The following PABPC4L variants were observed in gnomAD, a reference collection of about 807,000 sequenced individuals.
PABPC4L encodes the protein polyadenylate-binding protein 4-like.
For synonymous variants in PABPC4L, 169 were observed against 164.1 expected (o/e 1.03, Z -0.23); for missense variants, 452 against 451.4 (o/e 1.00, Z -0.01).
chr4:134,123,909 A>C, the PABPC4L span, among the ~76,000 whole-genome samples: 1 of 152,036 alleles, frequency 6.6e-6, no homozygotes, highest in East Asian at 1.9e-4. Flanking sequence ...AGTTGGGTAT[A>C]CTGGTTATTG....
chr4:133,977,448 AAGAATGTCAATGGTAGTTTAATG>A, the PABPC4L span, among the ~76,000 whole-genome samples: 286 of 152,142 alleles, frequency 1.9e-3, no homozygotes, highest in Non-Finnish European at 3.0e-3. Context: ...TAATTCTGTG[AAGAATGTCAATGGTAGTTTAATG>A]GGAATAGCAC....
At chr4:134,082,532 G>A in the PABPC4L span, among the ~76,000 whole-genome samples, 1 of 151,972 alleles carries the variant, frequency 6.6e-6, no homozygotes, top group Non-Finnish European at 1.5e-5. Context: ...CTATTAAAAA[G>A]TTAATTTTTT....
chr4:134,036,700 C>T, the PABPC4L span, among the ~76,000 whole-genome samples: 2 of 152,018 alleles, frequency 1.3e-5, no homozygotes, highest in African/African-American at 4.8e-5. Context: ...TTGTTCTATG[C>T]ATCTTATTTT....
the PABPC4L span, among the ~76,000 whole-genome samples, chr4:134,059,533 T>C: frequency 6.6e-6 from 1 of 151,254 alleles, no homozygotes; most frequent in South Asian, 2.1e-4. Context: ...AAGTTTATGT[T>C]CACCTATATA....
the PABPC4L span, among the ~76,000 whole-genome samples, chr4:133,966,317 G>A: frequency 2.0e-5 from 3 of 152,160 alleles, no homozygotes; most frequent in African/African-American, 7.2e-5. Flanking sequence ...AACAGTAGAT[G>A]TTGGTCTGGA....
chr4:134,199,970 A>C lies in PABPC4L; in HGVS notation c.1050T>G (p.Thr350=). 1.9e-6 allele frequency: 3 copies of C among 1,551,602 alleles called. No homozygotes were observed. The highest frequency in any genetic ancestry group is 2.6e-6 in the Non-Finnish European group (3 of 1,146,916). ...AGCCCAAGATGCGGCCATTCATCTC[A>C]GTCATTGCTTTAGTAGCATCCTCAG... ...SSPEDATKAM[T]EMNGRILGSK... Residue 350 remains threonine (T), a synonymous_variant, in exon 2 of 2, where the codon ACT becomes ACG. Transcript: ENST00000421491.
the PABPC4L span, among the ~76,000 whole-genome samples, chr4:133,950,429 A>G: frequency 1.4e-4 from 22 of 152,274 alleles, no homozygotes; most frequent in Middle Eastern, 6.8e-3. Flanking sequence ...TCTTTGGCAG[A>G]TCACACAAAC....
the PABPC4L span, among the ~76,000 whole-genome samples, chr4:134,110,559 TTGTGTGTGTGTG>T: frequency 0.41 from 59,177 of 144,494 alleles, 13,067 homozygotes; most frequent in East Asian, 0.92. Flanking sequence ...TCTCTCTGTC[TTGTGTGTGTGTG>T]TGTGTGTGTG....
the PABPC4L span, among the ~76,000 whole-genome samples, chr4:133,957,627 C>T: frequency 6.6e-6 from 1 of 152,236 alleles, no homozygotes; most frequent in Non-Finnish European, 1.5e-5. Flanking sequence ...CATTCTCTTT[C>T]TGCACTGCCC....
the PABPC4L span, among the ~76,000 whole-genome samples, chr4:134,168,939 A>G: frequency 6.6e-6 from 1 of 152,086 alleles, no homozygotes; most frequent in Non-Finnish European, 1.5e-5. Flanking sequence ...TCATTTCATC[A>G]TGCAAGACCA....
the PABPC4L span, among the ~76,000 whole-genome samples, chr4:134,090,787 G>A: frequency 6.6e-6 from 1 of 151,724 alleles, no homozygotes; most frequent in African/African-American, 2.4e-5. Context: ...AAAGGTGGGA[G>A]GGGTTGCTGC....
At chr4:133,992,722 T>C in the PABPC4L span, among the ~76,000 whole-genome samples, 3 of 152,120 alleles carry the variant, frequency 2.0e-5, no homozygotes, top group African/African-American at 7.2e-5. Flanking sequence ...AAAGGATCAA[T>C]ACCGTATGCA....
At chr4:134,099,988 TC>T in the PABPC4L span, among the ~76,000 whole-genome samples, 1 of 151,718 alleles carries the variant, frequency 6.6e-6, no homozygotes, top group African/African-American at 2.4e-5. Context: ...ATCCCCCATT[TC>T]TATCTGGAAA....
the PABPC4L span, among the ~76,000 whole-genome samples, chr4:134,054,348 T>C: frequency 6.2e-4 from 93 of 149,112 alleles, no homozygotes; most frequent in African/African-American, 2.2e-3. Context: ...TTTTTTATTT[T>C]AAGTATAAAT....
At chr4:134,035,656 T>C in the PABPC4L span, among the ~76,000 whole-genome samples, 34 of 152,102 alleles carry the variant, frequency 2.2e-4, no homozygotes, top group African/African-American at 3.4e-4. Flanking sequence ...AACAACTTAA[T>C]GTGTTTCTAT....
At chr4:134,150,202 G>A in the PABPC4L span, among the ~76,000 whole-genome samples, 1 of 151,158 alleles carries the variant, frequency 6.6e-6, no homozygotes, top group Non-Finnish European at 1.5e-5. Context: ...CCCTGCCTCA[G>A]CCTCTCAAGT....
chr4:134,123,260 C>T, the PABPC4L span, among the ~76,000 whole-genome samples: 1 of 151,896 alleles, frequency 6.6e-6, no homozygotes, highest in South Asian at 2.1e-4. Context: ...TACCTATTAG[C>T]CTTCTTGTGT....
At chr4:134,176,121 C>T in the PABPC4L span, among the ~76,000 whole-genome samples, 1,059 of 152,184 alleles carry the variant, frequency 7.0e-3, 20 homozygotes, top group African/African-American at 0.024. Context: ...TAACATCTTG[C>T]ATAAACTATT....
chr4:134,035,937 A>G, the PABPC4L span, among the ~76,000 whole-genome samples: 9 of 151,984 alleles, frequency 5.9e-5, no homozygotes, highest in Non-Finnish European at 1.3e-4. Flanking sequence ...AGAGTCCCTT[A>G]TAAAACCATC....
Sources: allele counts gnomAD v4.1 joint callset (sites outside exome capture counted in the v4.1 genomes callset), GRCh38; gene constraint gnomAD v4.1.1; transcripts MANE v1.5; gene names NCBI Gene and HGNC (gene_info 2026-07-23, HGNC 2026-07-21).